The following WNK2 variants were observed in gnomAD, a reference collection of about 807,000 sequenced individuals.
The protein encoded by WNK2 is serine/threonine-protein kinase WNK2.
Under a neutral mutation model 192.1 loss-of-function variants are expected in WNK2, and 67 were observed. The observed-to-expected ratio is 0.35, with a 90% CI of 0.29 to 0.43. The LOEUF (loss-of-function observed/expected upper bound fraction) is 0.43, where lower values mean the gene tolerates loss of function less well. Ranked by LOEUF, WNK2 falls within the 20% of genes least tolerant of loss-of-function variation. WNK2 has a pLI of 1.00. For synonymous variants in WNK2, 1,439 were observed against 1,393.9 expected (o/e 1.03, Z -0.72); for missense variants, 2,698 against 3,089.7 (o/e 0.87, Z 3.01).
chr9:93,262,776 G>A, intron 14 of WNK2, 57 bp downstream of exon 14: 1 of 1,573,374 alleles, frequency 6.4e-7, no homozygotes, highest in Non-Finnish European at 8.7e-7. Context: ...GGCCTGTACA[G>A]CCACTCAGCC....
At chr9:93,210,899 C>G (rs1321500138) in intron 2 of WNK2, among the ~76,000 whole-genome samples, 1 of 152,176 alleles carries the variant, frequency 6.6e-6, no homozygotes, top group Non-Finnish European at 1.5e-5. Context: ...CCAGGGACTT[C>G]AGTGGCTTCC....
In WNK2 at chr9:93,289,014, A is replaced by G. The variant is rs973824343; in HGVS notation, c.4260A>G (p.Pro1420=). ...ASGTASQAGG[P]GTPQGLTSEL... ...GAACTGCCAGCCAGGCAGGGGGTCC[A>G]GGGACACCTCAGGGGCTGACCAGTG... The change falls in exon 20 of 30, where the codon CCA becomes CCG. Residue 1420 remains proline (P), a synonymous_variant. Coordinates refer to ENST00000427277, the MANE Select transcript of WNK2 (RefSeq NM_006648.4). 1.2e-6 allele frequency: 2 copies of G among 1,603,430 alleles called. No homozygotes were observed. Among genetic ancestry groups the G allele is most frequent in the Non-Finnish European group, 1.7e-6 (2 of 1,174,928 alleles).
chr9:93,226,430 A>G lies in WNK2; in HGVS notation c.682-3266A>G, dbSNP rs537216470. Among the ~76,000 whole-genome samples, 13 of 150,886 alleles carry G rather than the reference A, an allele frequency of 8.6e-5. No individual in the cohort carries two copies. In the South Asian group the frequency reaches 1.3e-3, roughly 15 times the overall value. On this transcript the variant is annotated intron_variant, in intron 2 of 29. Transcript: ENST00000427277. Reference sequence around the variant, plus strand: ...CTATTTTCTTTCTTCTACTTCTCTCATTTGGTCTTTGGATTTTTTTCCTTT... The same window carrying G: ...CTATTTTCTTTCTTCTACTTCTCTCGTTTGGTCTTTGGATTTTTTTCCTTT...
chr9:93,186,500 GT>G (rs1263073230), intron 2 of WNK2, among the ~76,000 whole-genome samples: 8 of 152,160 alleles, frequency 5.3e-5, no homozygotes, highest in Non-Finnish European at 8.8e-5. Flanking sequence ...GCTGTCAGGC[GT>G]GAGCCAGTCT....
rs973428047 is a variant in WNK2, at chr9:93,257,768, G to A, written c.2382+629G>A. ...CAGGAAAGCCCAGCCAGCAAGGCTC[G>A]ACTCACACAGCTGAAGTGACTTCTG... On this transcript the variant is annotated intron_variant, in intron 11 of 29. Coordinates refer to ENST00000427277, the MANE Select transcript of WNK2 (RefSeq NM_006648.4). This position sits in a 1 kb window ranked among gnomAD's most constrained non-coding sequence, Gnocchi z 4.7. Among the ~76,000 whole-genome samples the A allele has an allele frequency of 6.6e-6, 1 of 152,198 alleles. No individual in the cohort carries two copies. Among genetic ancestry groups the A allele is most frequent in the African/African-American group, 2.4e-5 (1 of 41,446 alleles).
At chr9:93,263,768 G>GT in intron 15 of WNK2, 34 bp downstream of exon 15, 1 of 902,334 alleles carries the variant, frequency 1.1e-6, no homozygotes, top group Non-Finnish European at 1.5e-6. Flanking sequence ...GGTGTGGTGG[G>GT]GGTGGGGGCA....
chr9:93,285,070 C>G (rs1848258166), intron 19 of WNK2, among the ~76,000 whole-genome samples: 1 of 152,158 alleles, frequency 6.6e-6, no homozygotes, highest in African/African-American at 2.4e-5. Context: ...TTTAGCATTA[C>G]TATTTTTTGT....
intron 14 of WNK2, chr9:93,263,360 T>C: frequency 1.6e-6 from 1 of 625,942 alleles, no homozygotes; most frequent in Non-Finnish European, 2.8e-6. Flanking sequence ...CTGTGCTTCC[T>C]TCTGCCCGTG....
At chr9:93,203,773 G>C (rs937506491) in intron 2 of WNK2, among the ~76,000 whole-genome samples, 2 of 152,202 alleles carry the variant, frequency 1.3e-5, no homozygotes, top group Admixed American at 1.3e-4. Context: ...AGGGAACGAG[G>C]CATCTCGAAC....
intron 14 of WNK2, 60 bp from the exon 15 acceptor site, chr9:93,263,506 C>T (rs949110353): frequency 2.0e-5 from 31 of 1,578,122 alleles, no homozygotes; most frequent in East Asian, 1.8e-4. Context: ...TGACTTTCCC[C>T]GCCATTGCCG....
chr9:93,257,216 C>T lies in WNK2; in HGVS notation c.2382+77C>T. ...CCTGGCTGGTGCACTAGGACACCCA[C>T]AGAGGGGGTTGTCTGTGCATGTGAC... On this transcript the variant is annotated intron_variant, in intron 11 of 29. Coordinates refer to ENST00000427277, the MANE Select transcript of WNK2 (RefSeq NM_006648.4). The surrounding 1 kb of genome is among the most constrained non-coding windows in gnomAD (Gnocchi z 4.7). The T allele has an allele frequency of 3.4e-6, 5 of 1,473,068 alleles. No individual in the cohort carries two copies. Among genetic ancestry groups the T allele is most frequent in the Non-Finnish European group, 4.6e-6 (5 of 1,094,208 alleles). 91.2% of individuals were successfully genotyped at this position (1,473,068 alleles called of 1,614,324 possible).
At chr9:93,320,268 T>C in intron 29 of WNK2, 99 bp from the exon 30 acceptor site, 1 of 1,306,470 alleles carries the variant, frequency 7.7e-7, no homozygotes, top group Non-Finnish European at 1.0e-6. Flanking sequence ...GGCGCAGCCT[T>C]CCCGTCGGCA....
At chr9:93,184,867 C>T in intron 1 of WNK2, 61 bp from the exon 2 acceptor site, 1 of 1,181,016 alleles carries the variant, frequency 8.5e-7, no homozygotes, top group African/African-American at 1.6e-5. Context: ...TCTCATCCGG[C>T]GGCCTGGGCA....
chr9:93,273,498 A>G (rs967294758), intron 19 of WNK2, among the ~76,000 whole-genome samples: 1 of 152,252 alleles, frequency 6.6e-6, no homozygotes, highest in Admixed American at 6.5e-5. Context: ...AGGACATAAC[A>G]GCCCTAAATG....
At chr9:93,258,750 G>A (rs918960895) in intron 11 of WNK2, among the ~76,000 whole-genome samples, 181 bp from the exon 12 acceptor site, 14 of 152,040 alleles carry the variant, frequency 9.2e-5, no homozygotes, top group African/African-American at 2.4e-4. Context: ...TGCACCTGTT[G>A]GGTTTATCTT....
At position 93,229,581 on chromosome 9, in the gene WNK2, G is replaced by T; in HGVS notation, c.682-115G>T. On this transcript the variant is annotated intron_variant, in intron 2 of 29. Coordinates refer to ENST00000427277, the MANE Select transcript of WNK2 (RefSeq NM_006648.4). This position sits in a 1 kb window ranked among gnomAD's most constrained non-coding sequence, Gnocchi z 4.9. ...GCCCTTCTATCATAGCCGCTTAGCT[G>T]CCTGTGGGTATGGGAAGGGCTGGTC... The T allele has an allele frequency of 8.3e-7, 1 of 1,204,186 alleles. No individual in the cohort carries two copies. Among genetic ancestry groups the T allele is most frequent in the Non-Finnish European group, 1.2e-6 (1 of 869,558 alleles). The allele number at this position is 1,204,186 out of a possible 1,614,324, so 74.6% of individuals were successfully genotyped here.
chr9:93,259,352 T>C lies in WNK2; in HGVS notation c.2804T>C (p.Met935Thr). ...TCCCCCCATCACACGGTGCAGAATA[T>C]GAGGGCCACCCCTCCACAGCCGGCA... Reference protein sequence around the residue: ...PPSPHHTVQNMRATPPQPALP... With the variant: ...PPSPHHTVQNTRATPPQPALP... The change falls in exon 12 of 30, where the codon ATG (methionine) becomes ACG (threonine). Residue 935 changes from methionine (M) to threonine (T), a missense_variant. Met to Thr is a moderately conservative substitution (Grantham distance 81). Coordinates refer to ENST00000427277, the MANE Select transcript of WNK2 (RefSeq NM_006648.4). The surrounding 1 kb of genome is among the most constrained non-coding windows in gnomAD (Gnocchi z 4.8). 4 of 1,612,392 alleles carry C rather than the reference T, an allele frequency of 2.5e-6. No individual in the cohort carries two copies. The South Asian group carries it at 3.3e-5, about 13-fold the overall frequency.
intron 29 of WNK2, among the ~76,000 whole-genome samples, chr9:93,319,858 C>A (rs1855275365): frequency 6.6e-6 from 1 of 152,240 alleles, no homozygotes; most frequent in African/African-American, 2.4e-5. Flanking sequence ...CCCCCAGCAT[C>A]CCACTAAAGA....
At chr9:93,285,072 A>AT (rs1444765275) in intron 19 of WNK2, among the ~76,000 whole-genome samples, 6 of 152,218 alleles carry the variant, frequency 3.9e-5, no homozygotes, top group African/African-American at 1.4e-4. Flanking sequence ...TAGCATTACT[A>AT]TTTTTTGTTA....
Sources: allele counts gnomAD v4.1 joint callset (sites outside exome capture counted in the v4.1 genomes callset), GRCh38; gene constraint gnomAD v4.1.1; non-coding constraint Gnocchi (gnomAD v3.1); transcripts MANE v1.5; gene names NCBI Gene and HGNC (gene_info 2026-07-23, HGNC 2026-07-21).